Variants in SRGAP3 observed in about 807,000 individuals in gnomAD.
SRGAP3 encodes the protein SLIT-ROBO Rho GTPase-activating protein 3.
Under a neutral mutation model 121.1 loss-of-function variants are expected in SRGAP3, and 39 were observed. The ratio of observed to expected loss-of-function variants is 0.32; its 90% CI spans 0.25 to 0.42. The LOEUF is 0.42. Ranked by LOEUF, SRGAP3 falls within the 10% of genes least tolerant of loss-of-function variation. The probability of loss-of-function intolerance (pLI) is 1.00; values close to 1 mark genes in which losing one functional copy is unlikely to be tolerated. For synonymous variants in SRGAP3, 601 were observed against 570.0 expected, an observed-to-expected ratio of 1.05 and a Z score of -0.77; for missense variants, 1,213 against 1,470.6, an observed-to-expected ratio of 0.82 and a Z score of 2.86.
chr3:9,072,362 C>T (rs1946762387), intron 4 of SRGAP3, among the ~76,000 whole-genome samples: 1 of 152,246 alleles, frequency 6.6e-6, no homozygotes, highest in African/African-American at 2.4e-5. Flanking sequence ...CACTAAGGCA[C>T]CTGTCATAGT....
intron 1 of SRGAP3, among the ~76,000 whole-genome samples, chr3:9,125,440 T>C (rs554640679): frequency 1.4e-3 from 213 of 152,332 alleles, no homozygotes; most frequent in Non-Finnish European, 2.0e-3. Context: ...AAAACGGCAG[T>C]GTGACTTTCT....
intron 3 of SRGAP3, among the ~76,000 whole-genome samples, chr3:9,285,210 G>A (rs1251094810): frequency 6.6e-6 from 1 of 152,184 alleles, no homozygotes; most frequent in South Asian, 2.1e-4. Context: ...CCATCCTACT[G>A]TCCAGAAGCA....
intron 1 of SRGAP3, among the ~76,000 whole-genome samples, chr3:9,337,926 A>G (rs1381258643): frequency 6.6e-6 from 1 of 152,236 alleles, no homozygotes; most frequent in Non-Finnish European, 1.5e-5. Context: ...CAATTCTGGC[A>G]TTTGATTACA....
chr3:9,231,903 C>T (rs540272626), intron 1 of SRGAP3, among the ~76,000 whole-genome samples: 10 of 152,132 alleles, frequency 6.6e-5, no homozygotes, highest in Non-Finnish European at 1.3e-4. Context: ...AGAATGCAGA[C>T]GTGACTCGCT....
At chr3:9,062,266 G>A (rs1946211130) in intron 5 of SRGAP3, among the ~76,000 whole-genome samples, 1 of 152,094 alleles carries the variant, frequency 6.6e-6, no homozygotes, top group African/African-American at 2.4e-5. Context: ...GGAGAGAAGT[G>A]GCTTGCCCAA....
chr3:9,347,737 G>C (rs1486024566), intron 1 of SRGAP3, among the ~76,000 whole-genome samples: 1 of 152,212 alleles, frequency 6.6e-6, no homozygotes, highest in Non-Finnish European at 1.5e-5. Context: ...AGGAAGTCAT[G>C]CTTTTAAAAT....
chr3:9,136,914 G>T (rs1322006114), intron 1 of SRGAP3, among the ~76,000 whole-genome samples: 1 of 152,208 alleles, frequency 6.6e-6, no homozygotes, highest in East Asian at 1.9e-4. Flanking sequence ...TGACCTTGAC[G>T]CTGGCTAGCT....
intron 3 of SRGAP3, among the ~76,000 whole-genome samples, chr3:9,086,015 A>C (rs1947453671): frequency 6.6e-6 from 1 of 152,208 alleles, no homozygotes; most frequent in African/African-American, 2.4e-5. Context: ...TAGGACTTCT[A>C]GTAAGGCAGC....
chr3:9,061,965 C>G (rs535544987), intron 5 of SRGAP3, among the ~76,000 whole-genome samples: 4 of 152,304 alleles, frequency 2.6e-5, no homozygotes, highest in African/African-American at 9.6e-5. Context: ...TCTCCTTTGC[C>G]TAGACATTCT....
chr3:9,064,718 C>T, intron 4 of SRGAP3, 137 bp from the exon 5 acceptor site: 1 of 914,106 alleles, frequency 1.1e-6, no homozygotes, highest in Middle Eastern at 3.4e-4. Flanking sequence ...TGGGCACCTG[C>T]CTTCCTTTAC....
In SRGAP3 at chr3:8,993,111, T is replaced by C. The variant is rs1249496348; in HGVS notation, c.2409-56A>G. ...ACCTTCCCCCAAAGAACCCAGCATATACAGAGCTCCCTGATATGTGTCTGA... is the reference window on the plus strand; with the variant it reads ...ACCTTCCCCCAAAGAACCCAGCATACACAGAGCTCCCTGATATGTGTCTGA... On this transcript the variant is annotated intron_variant, in intron 19 of 21. Transcript: ENST00000383836. The C allele has an allele frequency of 3.7e-6, 6 of 1,609,256 alleles. No individual in the cohort carries two copies. The East Asian group carries it at 1.1e-4, about 30-fold the overall frequency.
chr3:9,008,811 T>TG (rs1367702261), intron 18 of SRGAP3, among the ~76,000 whole-genome samples: 1 of 152,158 alleles, frequency 6.6e-6, no homozygotes, highest in Non-Finnish European at 1.5e-5. Flanking sequence ...CCATGGGGAC[T>TG]GGATCATGAC....
intron 3 of SRGAP3, among the ~76,000 whole-genome samples, chr3:9,100,113 A>G (rs779390976): frequency 3.9e-5 from 6 of 152,224 alleles, no homozygotes; most frequent in Admixed American, 2.0e-4. Context: ...TTAAATGTCA[A>G]CTTAATCTTT....
At chr3:9,113,751 T>G (rs532177253) in intron 2 of SRGAP3, among the ~76,000 whole-genome samples, 1 of 152,174 alleles carries the variant, frequency 6.6e-6, no homozygotes, top group East Asian at 1.9e-4. Flanking sequence ...TCTCACAAGA[T>G]CTGATGGTTT....
chr3:9,070,622 G>A (rs1317486598), intron 4 of SRGAP3, among the ~76,000 whole-genome samples: 1 of 152,128 alleles, frequency 6.6e-6, no homozygotes, highest in Non-Finnish European at 1.5e-5. Flanking sequence ...TGGGTGGGTG[G>A]GTGGATAAAT....
intron 2 of SRGAP3, among the ~76,000 whole-genome samples, chr3:9,112,848 A>T (rs747247760): frequency 6.6e-6 from 1 of 152,154 alleles, no homozygotes; most frequent in Non-Finnish European, 1.5e-5. Context: ...TGTCCTACTC[A>T]TCAGTGCTTC....
chr3:9,299,066 A>AAG (rs1553569466), intron 3 of SRGAP3, among the ~76,000 whole-genome samples: 217 of 150,026 alleles, frequency 1.4e-3, no homozygotes, highest in African/African-American at 5.0e-3. Flanking sequence ...AAAAAAAAAA[A>AAG]AAAAGAAAAT....
At chr3:9,221,184 G>C (rs879114723) in intron 1 of SRGAP3, among the ~76,000 whole-genome samples, 2 of 152,126 alleles carry the variant, frequency 1.3e-5, no homozygotes, top group Admixed American at 1.3e-4. Context: ...GACCACTGGG[G>C]ACTGGGTCTT....
chr3:9,090,338 A>G (rs2124848528), intron 3 of SRGAP3, among the ~76,000 whole-genome samples: 1 of 152,156 alleles, frequency 6.6e-6, no homozygotes, highest in East Asian at 1.9e-4. Flanking sequence ...TGAGCTCAGC[A>G]TTGTGCAGAG....
Sources: gnomAD v4.1 joint callset for allele counts (sites outside exome capture counted in the v4.1 genomes callset) on GRCh38, gnomAD v4.1.1 for gene constraint, MANE v1.5 for transcripts, NCBI Gene and HGNC (gene_info 2026-07-23, HGNC 2026-07-21) for gene names.